PCLO: variants seen among roughly 807,000 people sequenced by gnomAD.
PCLO encodes protein piccolo.
PCLO carries 82 observed loss-of-function variants against 427.5 expected under a neutral mutation model. The ratio of observed to expected loss-of-function variants is 0.19; its 90% CI spans 0.16 to 0.23. The LOEUF is 0.23. Ranked by LOEUF, PCLO falls within the 10% of genes least tolerant of loss-of-function variation. PCLO has a pLI of 1.00. For missense variants in PCLO, 6,239 were observed against 6,115.9 expected (o/e 1.02, Z -0.67); for synonymous variants, 2,357 against 2,155.4 (o/e 1.09, Z -2.59).
chr7:83,033,958 C>G (rs1173104273), intron 3 of PCLO, among the ~76,000 whole-genome samples: 1 of 152,050 alleles, frequency 6.6e-6, no homozygotes. Context: ...AAAACAGTAT[C>G]ATATTTATCT....
At chr7:83,007,555 T>C (rs981574821) in intron 3 of PCLO, among the ~76,000 whole-genome samples, 5 of 151,654 alleles carry the variant, frequency 3.3e-5, no homozygotes, top group Admixed American at 6.6e-5. Flanking sequence ...AGAAATATTA[T>C]GTAGCAATTT....
At chr7:83,038,087 T>TTTA (rs1788873125) in intron 3 of PCLO, among the ~76,000 whole-genome samples, 10 of 66,262 alleles carry the variant, frequency 1.5e-4, no homozygotes, top group African/African-American at 5.7e-4. Flanking sequence ...ATATATATCT[T>TTTA]TATATATATA....
intron 3 of PCLO, among the ~76,000 whole-genome samples, chr7:83,052,687 G>A (rs1789283903): frequency 6.6e-6 from 1 of 151,908 alleles, no homozygotes. Context: ...TGTCTCCTGT[G>A]CCTCTACCTC....
At chr7:82,784,222 C>T (rs756360474) in intron 22 of PCLO, among the ~76,000 whole-genome samples, 18 of 152,196 alleles carry the variant, frequency 1.2e-4, no homozygotes, top group Admixed American at 4.6e-4. Flanking sequence ...AGAGTTCTTG[C>T]AGTGTTCAAC....
chr7:83,132,025 A>C (rs914759832), intron 3 of PCLO, among the ~76,000 whole-genome samples: 1 of 152,052 alleles, frequency 6.6e-6, no homozygotes, highest in Non-Finnish European at 1.5e-5. Context: ...CATTCTTTTC[A>C]ACTAACTCCT....
Position 82,950,530 on chromosome 7 carries a change from T to C in PCLO, c.10058A>G (p.Glu3353Gly), listed in dbSNP as rs975249234. ...AGCTGAAGCTGTGGTGGTTGCATCTTCAGTTGCCCAAAATTGACTGCCTTC... is the reference window on the plus strand; with the variant it reads ...AGCTGAAGCTGTGGTGGTTGCATCTCCAGTTGCCCAAAATTGACTGCCTTC... ...ALEGSQFWAT[E>G]DATTTASAVV... Residue 3353 changes from glutamate (E) to glycine (G), a missense_variant, in exon 6 of 25, where the codon GAA becomes GGA. Glu to Gly is a moderately conservative substitution (Grantham distance 98, BLOSUM62 -2). Transcript: ENST00000333891. 1.9e-6 allele frequency: 3 copies of C among 1,613,772 alleles called. No individual in the cohort carries two copies. The African/African-American group carries it at 4.0e-5, about 22-fold the overall frequency.
At chr7:82,921,468 A>G (rs1364364316) in intron 6 of PCLO, among the ~76,000 whole-genome samples, 1 of 152,048 alleles carries the variant, frequency 6.6e-6, no homozygotes, top group Non-Finnish European at 1.5e-5. Flanking sequence ...GATCTTCAAC[A>G]AAGTTGACAA....
At chr7:83,148,415 C>T (rs2116661873) in intron 2 of PCLO, among the ~76,000 whole-genome samples, 1 of 152,286 alleles carries the variant, frequency 6.6e-6, no homozygotes, top group Middle Eastern at 3.4e-3. Context: ...TAATAGAATA[C>T]ATGCTCCATA....
chr7:83,055,597 T>C (rs1789359668), intron 3 of PCLO, among the ~76,000 whole-genome samples: 1 of 152,138 alleles, frequency 6.6e-6, no homozygotes, highest in Admixed American at 6.5e-5. Flanking sequence ...TCAAAGTCAA[T>C]TATTTGCAGG....
intron 22 of PCLO, among the ~76,000 whole-genome samples, chr7:82,779,298 A>AT (rs1246202865): frequency 6.6e-6 from 1 of 152,004 alleles, no homozygotes; most frequent in South Asian, 2.1e-4. Flanking sequence ...TTTTCACATA[A>AT]TTTTTTACCA....
rs1790330278 is a variant in PCLO, at chr7:82,756,904, T to A, written c.*1671A>T. 1 of 152,106 alleles carries A rather than the reference T, an allele frequency of 6.6e-6. No individual in the cohort carries two copies. Among genetic ancestry groups the A allele is most frequent in the Non-Finnish European group, 1.5e-5 (1 of 67,996 alleles). 9.4% of individuals were successfully genotyped at this position (152,106 alleles called of 1,614,324 possible). On this transcript the variant is annotated 3_prime_UTR_variant, in exon 25 of 25. Coordinates refer to ENST00000333891, the MANE Select transcript of PCLO (RefSeq NM_033026.6). The stretch of plus-strand genomic sequence containing the variant: ...AAAATAAGTTTTGTGGCTAATTTAC[T>A]GCTTTTATCCATGTCAATCCTTGCC...
At chr7:82,936,532 G>T (rs1001940648) in intron 6 of PCLO, among the ~76,000 whole-genome samples, 4 of 91,034 alleles carry the variant, frequency 4.4e-5, no homozygotes, top group African/African-American at 2.4e-4. Flanking sequence ...AATAAGTATT[G>T]GAAAGATGTA....
intron 3 of PCLO, among the ~76,000 whole-genome samples, chr7:83,080,284 G>A (rs1790065112): frequency 6.6e-6 from 1 of 152,104 alleles, no homozygotes; most frequent in Non-Finnish European, 1.5e-5. Flanking sequence ...CTAGATATCT[G>A]AGGAATCACC....
chr7:83,108,484 T>C (rs1790923800), intron 3 of PCLO, among the ~76,000 whole-genome samples: 1 of 152,092 alleles, frequency 6.6e-6, no homozygotes, highest in Non-Finnish European at 1.5e-5. Context: ...GTATGTGCTG[T>C]CAAAACTTAA....
chr7:82,956,294 C>G lies in PCLO; in HGVS notation c.4659G>C (p.Glu1553Asp), dbSNP rs764878698. The G allele has an allele frequency of 6.2e-7, 1 of 1,612,752 alleles. No individual in the cohort carries two copies. Among genetic ancestry groups the G allele is most frequent in the South Asian group, 1.1e-5 (1 of 91,076 alleles). Residue 1553 changes from glutamate (E) to aspartate (D), a missense_variant, in exon 5 of 25, where the codon GAG becomes GAC. Glu to Asp is a conservative substitution (Grantham distance 45). Transcript: ENST00000333891. ...CTATGATTTGTTTTCGAATGAAGTCCTCCTCTTCCCCTGATCCTTGGCTGT... is the reference window on the plus strand; with the variant it reads ...CTATGATTTGTTTTCGAATGAAGTCGTCCTCTTCCCCTGATCCTTGGCTGT... ...QEDSQGSGEE[E>D]DFIRKQIIEM... is the part of the protein sequence containing the mutation.
In PCLO at chr7:82,841,439, C is replaced by CT; in HGVS notation, c.14097+19dup. The CT allele has an allele frequency of 6.4e-7, 1 of 1,556,930 alleles. No homozygotes were observed. Among genetic ancestry groups the CT allele is most frequent in the Non-Finnish European group, 8.9e-7 (1 of 1,129,668 alleles). On this transcript the variant is annotated intron_variant, in intron 14 of 24. Coordinates refer to ENST00000333891, the MANE Select transcript of PCLO (RefSeq NM_033026.6). ...ACCAAAAAAGGTTATATAATGGCGA[C>CT]TTTTTAAAAAACTTCATACCTGAAT... is the stretch of plus-strand genomic sequence containing the variant.
intron 3 of PCLO, among the ~76,000 whole-genome samples, chr7:83,084,545 C>A (rs947607200): frequency 2.6e-5 from 4 of 151,948 alleles, no homozygotes; most frequent in East Asian, 3.9e-4. Flanking sequence ...CTATAGGTAG[C>A]CAGAATTAAG....
At chr7:82,776,505 A>G (rs1482404112) in intron 22 of PCLO, among the ~76,000 whole-genome samples, 1 of 152,132 alleles carries the variant, frequency 6.6e-6, no homozygotes, top group Non-Finnish European at 1.5e-5. Context: ...AATAAAATGT[A>G]AAATCTGGGC....
At chr7:82,930,590 T>A (rs2116337028) in intron 6 of PCLO, among the ~76,000 whole-genome samples, 1 of 152,302 alleles carries the variant, frequency 6.6e-6, no homozygotes, top group Non-Finnish European at 1.5e-5. Flanking sequence ...TAGAAACTAA[T>A]GTTCAAAGAG....
Sources: allele counts gnomAD v4.1 joint callset (sites outside exome capture counted in the v4.1 genomes callset), GRCh38; gene constraint gnomAD v4.1.1; transcripts MANE v1.5; gene names NCBI Gene and HGNC (gene_info 2026-07-23, HGNC 2026-07-21).